ASB9: variants seen among roughly 807,000 people sequenced by gnomAD.
ASB9 encodes the protein ankyrin repeat and SOCS box protein 9.
A neutral mutation model predicts 16.6 loss-of-function variants in ASB9; 5 were observed. The ratio of observed to expected loss-of-function variants is 0.30; its 90% CI spans 0.16 to 0.63. The LOEUF is 0.63. Ranked by LOEUF, ASB9 falls within the 30% of genes least tolerant of loss-of-function variation. ASB9 has a pLI of 0.82. For missense variants in ASB9, 216 were observed against 229.4 expected, an observed-to-expected ratio of 0.94 and a Z score of 0.38; for synonymous variants, 100 against 86.4, an observed-to-expected ratio of 1.16 and a Z score of -0.87.
At chrX:15,256,518 C>T (rs191540571) in intron 2 of ASB9, among the ~76,000 whole-genome samples, 3,419 of 107,436 alleles carry the variant, frequency 0.032, 161 homozygotes, top group African/African-American at 0.11. Flanking sequence ...TGGCTCACGC[C>T]TGTAATCCCA....
chrX:15,260,886 G>A (rs1466670219), intron 1 of ASB9, among the ~76,000 whole-genome samples: 1 of 112,033 alleles, frequency 8.9e-6, no homozygotes, highest in Non-Finnish European at 1.9e-5. Flanking sequence ...ATCTGTATTA[G>A]TAAGCAAATT....
In ASB9 at chrX:15,250,467, G is replaced by C. The variant is rs775026258; in HGVS notation, c.531C>G (p.Asn177Lys). Residue 177 changes from asparagine to lysine, a missense_variant, in exon 5 of 7, where the codon AAC becomes AAG. Asn to Lys is a moderately conservative substitution (Grantham distance 94). Transcript: ENST00000380488. ...LGTPLYLACE[N>K]QQRACVKKLL... ...GCTTCTTGACACAGGCTCTCTGTTG[G>C]TTTTCACAAGCCAAATAGAGTGGAG... 3 of 1,209,283 alleles carry C rather than the reference G, an allele frequency of 2.5e-6. No homozygotes were observed. The highest frequency in any genetic ancestry group is 3.4e-6 in the Non-Finnish European group (3 of 894,554).
intron 5 of ASB9, among the ~76,000 whole-genome samples, chrX:15,250,206 CA>C (rs1924988916): frequency 2.7e-5 from 3 of 109,509 alleles, no homozygotes; most frequent in African/African-American, 1.0e-4. Context: ...TCATCATCAT[CA>C]TCCTCCTCCT....
intron 2 of ASB9, among the ~76,000 whole-genome samples, chrX:15,256,771 G>A (rs1486099527): frequency 1.0e-4 from 6 of 59,659 alleles, no homozygotes; most frequent in Non-Finnish European, 1.4e-4. Context: ...GCAAGACTCC[G>A]TCTCAAAAAA....
intron 3 of ASB9, among the ~76,000 whole-genome samples, chrX:15,253,008 C>T (rs5980143): frequency 0.012 from 1,383 of 111,233 alleles, 18 homozygotes; most frequent in African/African-American, 0.042. Context: ...CCGAGGCAGG[C>T]GGATTGCCTG....
chrX:15,261,092 T>C (rs1283717146), intron 1 of ASB9, among the ~76,000 whole-genome samples: 2 of 111,592 alleles, frequency 1.8e-5, no homozygotes, highest in African/African-American at 6.5e-5. Context: ...CTCACGGCAT[T>C]CTCTGAGGCT....
In ASB9 at chrX:15,267,560, T is replaced by C. The variant is rs1367690613; in HGVS notation, c.94+2221A>G. Among the ~76,000 whole-genome samples the C allele has an allele frequency of 2.4e-3, 209 of 85,788 alleles. 1 individual carries two copies. Among genetic ancestry groups the C allele is most frequent in the African/African-American group, 7.7e-3 (174 of 22,469 alleles). 74.5% of individuals were successfully genotyped at this position (85,788 alleles called of 115,157 possible). A position where few individuals can be genotyped will look rare whatever the true frequency, so the allele number is the denominator to read the frequency against. On this transcript the variant is annotated intron_variant, in intron 1 of 6. Transcript: ENST00000380488. ...GAGATTGAGACCATCCTGGCTAACATGGTGAAACCCCGTCTCTACTAAAAA... is the reference window on the plus strand; with the variant it reads ...GAGATTGAGACCATCCTGGCTAACACGGTGAAACCCCGTCTCTACTAAAAA...
At position 15,258,917 on chromosome X, in the gene ASB9, A is replaced by G. The variant is rs751887101; in HGVS notation, c.123T>C (p.His41=). ...GCTGATGTCCGTGGATTGCAGCTTC[A>G]TGCATAGGAGACCAATCAGACACAG... ...GDAVSDWSPM[H]EAAIHGHQLS... Residue 41 remains histidine, a synonymous_variant, in exon 2 of 7, where the codon CAT becomes CAC. Coordinates refer to ENST00000380488, the MANE Select transcript of ASB9 (RefSeq NM_001031739.3). 23 of 1,210,486 alleles carry G rather than the reference A, an allele frequency of 1.9e-5. No homozygotes were observed. In the East Asian group the frequency reaches 6.8e-4, roughly 36 times the overall value.
At chrX:15,246,773 G>A (rs1316950503) in intron 6 of ASB9, among the ~76,000 whole-genome samples, 6 of 111,362 alleles carry the variant, frequency 5.4e-5, no homozygotes, top group East Asian at 2.8e-4. Flanking sequence ...CACCGTGCCC[G>A]GCCAGCAACA....
In ASB9 at chrX:15,244,398, C is replaced by G. The variant is rs1047483144; in HGVS notation, c.*108G>C. The G allele has an allele frequency of 3.2e-6, 3 of 926,616 alleles. No homozygotes were observed. Among genetic ancestry groups the G allele is most frequent in the Non-Finnish European group, 4.5e-6 (3 of 670,433 alleles). 76.4% of individuals were successfully genotyped at this position (926,616 alleles called of 1,213,427 possible). A position where few individuals can be genotyped will look rare whatever the true frequency, so the allele number is the denominator to read the frequency against. On this transcript the variant is annotated 3_prime_UTR_variant, in exon 7 of 7. Coordinates refer to ENST00000380488, the MANE Select transcript of ASB9 (RefSeq NM_001031739.3). The stretch of plus-strand genomic sequence containing the variant: ...AGTTTATAACAAATACAAATCTAAT[C>G]GAAAAAACTAGTCAAACTCTATAAA...
chrX:15,268,202 G>A (rs1481669611), intron 1 of ASB9, among the ~76,000 whole-genome samples: 1 of 107,873 alleles, frequency 9.3e-6, no homozygotes, highest in African/African-American at 3.4e-5. Flanking sequence ...TGTGGTGGCG[G>A]GCGCTTATAA....
At position 15,269,788 on chromosome X, in the gene ASB9, C is replaced by T; in HGVS notation, c.87G>A (p.Leu29=). The stretch of plus-strand genomic sequence containing the variant: ...ACTGCCCCTATGACTCACCGCCCAT[C>T]AATGGGTTTGAAAGAAGCCTGATGC... The part of the protein sequence containing the change: ...FPGIRLLSNP[L]MGDAVSDWSP... The change falls in exon 1 of 7, where the codon TTG becomes TTA. Residue 29 remains leucine, a synonymous_variant. Transcript: ENST00000380488. 8.3e-7 allele frequency: 1 copy of T among 1,207,125 alleles called. No individual in the cohort carries two copies. Among genetic ancestry groups the T allele is most frequent in the Non-Finnish European group, 1.1e-6 (1 of 893,131 alleles).
intron 1 of ASB9, among the ~76,000 whole-genome samples, chrX:15,265,641 A>AT (rs34955369): frequency 0.045 from 4,564 of 101,684 alleles, 274 homozygotes; most frequent in African/African-American, 0.15. Context: ...CATCATCTGC[A>AT]TTTTTTTTTT....
At chrX:15,258,798 T>C (rs1264396175) in intron 2 of ASB9, 68 bp downstream of exon 2, 15 of 884,584 alleles carry the variant, frequency 1.7e-5, no homozygotes, top group Non-Finnish European at 2.3e-5. Context: ...AGTCCCTATG[T>C]TATTATGTCA....
At chrX:15,261,574 G>A (rs776234100) in intron 1 of ASB9, among the ~76,000 whole-genome samples, 1 of 111,884 alleles carries the variant, frequency 8.9e-6, no homozygotes, top group South Asian at 3.7e-4. Flanking sequence ...ATTCATCATG[G>A]GACCATTACT....
At chrX:15,253,616 A>G (rs1200229501) in intron 3 of ASB9, among the ~76,000 whole-genome samples, 2 of 111,957 alleles carry the variant, frequency 1.8e-5, no homozygotes, top group African/African-American at 6.5e-5. Flanking sequence ...TAAAAAAATA[A>G]AAACATAAAA....
At chrX:15,261,316 G>T (rs1241707889) in intron 1 of ASB9, among the ~76,000 whole-genome samples, 1 of 112,044 alleles carries the variant, frequency 8.9e-6, no homozygotes, top group Non-Finnish European at 1.9e-5. Flanking sequence ...GTTTTCAATA[G>T]ATTTGCAAAT....
At chrX:15,247,670 C>A (rs914904705) in intron 6 of ASB9, among the ~76,000 whole-genome samples, 2 of 112,335 alleles carry the variant, frequency 1.8e-5, no homozygotes, top group Non-Finnish European at 1.9e-5. Context: ...AGACATAGAA[C>A]TTTTTCAAAA....
intron 4 of ASB9, among the ~76,000 whole-genome samples, chrX:15,250,840 G>GCCTC (rs1925058899): frequency 8.9e-6 from 1 of 111,832 alleles, no homozygotes; most frequent in African/African-American, 3.3e-5. Flanking sequence ...TCCTGCCTCA[G>GCCTC]CCTCCGAGTA....
Sources: allele counts gnomAD v4.1 joint callset (sites outside exome capture counted in the v4.1 genomes callset), GRCh38; gene constraint gnomAD v4.1.1; transcripts MANE v1.5; gene names NCBI Gene and HGNC (gene_info 2026-07-23, HGNC 2026-07-21).